Variants in RNF180 observed in about 807,000 individuals in gnomAD.
RNF180 encodes the protein E3 ubiquitin-protein ligase RNF180.
Under a neutral mutation model 59.2 loss-of-function variants are expected in RNF180, and 38 were observed. The observed-to-expected ratio is 0.64, with a 90% confidence interval of 0.50 to 0.84. RNF180 has a LOEUF of 0.84. Among genes scored for constraint, RNF180 ranks in the 40% least tolerant of loss-of-function variants. The probability of loss-of-function intolerance (pLI) is 0.00; values close to 1 mark genes in which losing one functional copy is unlikely to be tolerated. For missense variants in RNF180, 705 were observed against 700.9 expected (o/e 1.01, Z -0.07); for synonymous variants, 262 against 240.3 (o/e 1.09, Z -0.84).
chr5:64,235,435 C>A (rs931027111), intron 5 of RNF180, among the ~76,000 whole-genome samples: 10 of 152,020 alleles, frequency 6.6e-5, no homozygotes, highest in African/African-American at 1.7e-4. Flanking sequence ...GCATGAATTT[C>A]TTTTATTACA....
At chr5:64,231,094 A>G (rs1293633266) in intron 5 of RNF180, among the ~76,000 whole-genome samples, 4 of 152,236 alleles carry the variant, frequency 2.6e-5, no homozygotes, top group Non-Finnish European at 5.9e-5. Context: ...AGAAAGCTGC[A>G]TGAAAGCAAG....
Position 64,244,429 on chromosome 5 carries a change from A to G in RNF180, c.1227+27033A>G, listed in dbSNP as rs577544178. Among the ~76,000 whole-genome samples the G allele has an allele frequency of 1.5e-4, 23 of 152,362 alleles. No homozygotes were observed. The East Asian group carries it at 2.3e-3, about 15-fold the overall frequency. ...GGAGCTGAAAAAAAACAGCATGAAA[A>G]GTTTGTGAAGCATACACAAGTATCA... On this transcript the variant is annotated intron_variant, in intron 5 of 7. Coordinates refer to ENST00000389100, the MANE Select transcript of RNF180 (RefSeq NM_001113561.2).
intron 5 of RNF180, among the ~76,000 whole-genome samples, chr5:64,291,010 C>G (rs1742553889): frequency 6.6e-6 from 1 of 152,178 alleles, no homozygotes; most frequent in Non-Finnish European, 1.5e-5. Context: ...TTCAGGAGCT[C>G]TTGCAAGGCA....
chr5:64,369,977 A>AT lies in RNF180; in HGVS notation c.*164dup, dbSNP rs1256481206. On this transcript the variant is annotated 3_prime_UTR_variant, in exon 8 of 8. Transcript: ENST00000389100. Reference sequence around the variant, plus strand: ...ATGAATTTATTTATTAATGTTTTTCATGTAACAAACTAAACTTTATTCAAG... The same window carrying AT: ...ATGAATTTATTTATTAATGTTTTTCATTGTAACAAACTAAACTTTATTCAAG... The AT allele has an allele frequency of 1.6e-5, 8 of 487,874 alleles. No individual in the cohort carries two copies. Among genetic ancestry groups the AT allele is most frequent in the Non-Finnish European group, 1.8e-5 (5 of 281,796 alleles). 30.2% of individuals were successfully genotyped at this position (487,874 alleles called of 1,614,324 possible).
Position 64,371,170 on chromosome 5 carries a change from T to C in RNF180, c.*1356T>C, listed in dbSNP as rs1488265897. On this transcript the variant is annotated 3_prime_UTR_variant, in exon 8 of 8. Transcript: ENST00000389100. Reference sequence around the variant, plus strand: ...CTAATGCTGTTCTTATTATTGTGTTTTAAATTATATCTATTACAGAAAATA... The same window carrying C: ...CTAATGCTGTTCTTATTATTGTGTTCTAAATTATATCTATTACAGAAAATA... The C allele has an allele frequency of 1.3e-5, 2 of 151,650 alleles. No homozygotes were observed. Among genetic ancestry groups the C allele is most frequent in the Non-Finnish European group, 3.0e-5 (2 of 67,704 alleles). The allele number at this position is 151,650 out of a possible 1,614,324, so 9.4% of individuals were successfully genotyped here.
At chr5:64,178,969 A>G (rs921404182) in intron 1 of RNF180, among the ~76,000 whole-genome samples, 1 of 152,150 alleles carries the variant, frequency 6.6e-6, no homozygotes, top group African/African-American at 2.4e-5. Context: ...CCTTTCAGAT[A>G]TTTCAGATGC....
In RNF180 at chr5:64,278,419, A is replaced by G. The variant is rs533661083; in HGVS notation, c.1228-46767A>G. ...TTCTATTTTAAAAGATCTGTCTTGC[A>G]GTAGTAGAGAGCCTAAGTTGTACAA... On this transcript the variant is annotated intron_variant, in intron 5 of 7. Transcript: ENST00000389100. Among the ~76,000 whole-genome samples the G allele has an allele frequency of 1.5e-3, 226 of 152,310 alleles. 1 individual carries two copies. Among genetic ancestry groups the G allele is most frequent in the African/African-American group, 5.0e-3 (206 of 41,580 alleles).
chr5:64,244,113 A>G (rs1391403590), intron 5 of RNF180, among the ~76,000 whole-genome samples: 1 of 152,222 alleles, frequency 6.6e-6, no homozygotes, highest in East Asian at 1.9e-4. Flanking sequence ...CCGAAGGTAG[A>G]TAAATCCACG....
chr5:64,214,947 CATTT>C (rs148724993), intron 4 of RNF180, among the ~76,000 whole-genome samples: 15,301 of 152,090 alleles, frequency 0.1, 859 homozygotes, highest in South Asian at 0.17. Flanking sequence ...CTTTTCATCA[CATTT>C]ATAATAGCTT....
chr5:64,237,871 C>A (rs1742543589), intron 5 of RNF180, among the ~76,000 whole-genome samples: 1 of 152,098 alleles, frequency 6.6e-6, no homozygotes, highest in Non-Finnish European at 1.5e-5. Flanking sequence ...TTTCACTCTC[C>A]TGCTGCCATG....
chr5:64,244,576 A>T (rs975406155), intron 5 of RNF180, among the ~76,000 whole-genome samples: 1 of 152,222 alleles, frequency 6.6e-6, no homozygotes, highest in Non-Finnish European at 1.5e-5. Context: ...AGACTCCAAG[A>T]AATGGGACTA....
intron 5 of RNF180, among the ~76,000 whole-genome samples, chr5:64,255,468 C>T (rs778803818): frequency 5.3e-5 from 8 of 151,980 alleles, no homozygotes; most frequent in South Asian, 2.1e-4. Flanking sequence ...TTTGTCCTTG[C>T]GATAGTTTGC....
intron 5 of RNF180, among the ~76,000 whole-genome samples, chr5:64,232,145 T>C (rs1359486924): frequency 2.0e-5 from 3 of 152,122 alleles, no homozygotes; most frequent in Non-Finnish European, 4.4e-5. Flanking sequence ...TTTATAAGGG[T>C]CGCAGAGCAT....
chr5:64,347,744 A>G (rs1386783807), intron 7 of RNF180, among the ~76,000 whole-genome samples: 3 of 152,192 alleles, frequency 2.0e-5, no homozygotes, highest in Admixed American at 6.6e-5. Context: ...CTTGCAAACA[A>G]CTGAGCAGTT....
At chr5:64,294,325 T>A (rs1258047171) in intron 5 of RNF180, among the ~76,000 whole-genome samples, 1 of 152,216 alleles carries the variant, frequency 6.6e-6, no homozygotes. Flanking sequence ...ATTAAATGCA[T>A]GTATCAAAAC....
At chr5:64,317,150 G>C (rs553057738) in intron 5 of RNF180, among the ~76,000 whole-genome samples, 1 of 151,036 alleles carries the variant, frequency 6.6e-6, no homozygotes, top group South Asian at 2.1e-4. Context: ...ATGTGTGTGC[G>C]TGTGTGTGTG....
At chr5:64,294,247 C>CA (rs1742763169) in intron 5 of RNF180, among the ~76,000 whole-genome samples, 1 of 152,124 alleles carries the variant, frequency 6.6e-6, no homozygotes, top group South Asian at 2.1e-4. Context: ...GTTTGTAACT[C>CA]AAACTTTGCA....
chr5:64,277,311 A>G (rs1314192106), intron 5 of RNF180, among the ~76,000 whole-genome samples: 1 of 152,144 alleles, frequency 6.6e-6, no homozygotes, highest in African/African-American at 2.4e-5. Context: ...AGCAGGAATG[A>G]GATCATCCTG....
At position 64,330,382 on chromosome 5, in the gene RNF180, A is replaced by G; in HGVS notation, c.1555A>G (p.Arg519Gly). The G allele has an allele frequency of 6.5e-7, 1 of 1,538,122 alleles. No individual in the cohort carries two copies. Among genetic ancestry groups the G allele is most frequent in the Non-Finnish European group, 8.7e-7 (1 of 1,144,066 alleles). The change falls in exon 7 of 8, where the codon AGA becomes GGA. Residue 519 changes from arginine to glycine, a missense_variant. Arg to Gly is a moderately radical substitution (Grantham distance 125). Transcript: ENST00000389100. ...NSAKWPLPSCRKAFHLFGGFR... is the reference protein window; with the variant it reads ...NSAKWPLPSCGKAFHLFGGFR... ...TGCAAAATGGCCCCTACCAAGCTGC[A>G]GAAAAGCATTTCATCTTTTTGGAGG...
Sources: allele counts gnomAD v4.1 joint callset (sites outside exome capture counted in the v4.1 genomes callset), GRCh38; gene constraint gnomAD v4.1.1; transcripts MANE v1.5; gene names NCBI Gene and HGNC (gene_info 2026-07-23, HGNC 2026-07-21).